Variants in SRCAP observed in about 807,000 individuals in gnomAD.
SRCAP encodes the protein chromatin remodeling protein SRCAP.
SRCAP carries 46 observed loss-of-function variants against 263.1 expected under a neutral mutation model. That is an observed-to-expected ratio of 0.17 (90% confidence interval 0.14 to 0.22). The LOEUF (loss-of-function observed/expected upper bound fraction) is 0.22, where lower values mean the gene tolerates loss of function less well. Among genes scored for constraint, SRCAP ranks in the 10% least tolerant of loss-of-function variants. SRCAP has a pLI of 1.00. For missense variants in SRCAP, 3,695 were observed against 4,181.9 expected, an observed-to-expected ratio of 0.88 and a Z score of 3.21; for synonymous variants, 1,813 against 1,662.1, an observed-to-expected ratio of 1.09 and a Z score of -2.21.
At chr16:30,736,963 C>G (rs537459253) in intron 33 of SRCAP, 86 bp from the exon 34 acceptor site, 2 of 1,435,374 alleles carry the variant, frequency 1.4e-6, no homozygotes, top group East Asian at 2.3e-5. Context: ...CGTGAGCCAC[C>G]GCGCCTGACC....
Position 30,737,297 on chromosome 16 carries a change from A to G in SRCAP, c.7257A>G (p.Gln2419=). 1 of 1,613,974 alleles carries G rather than the reference A, an allele frequency of 6.2e-7. No homozygotes were observed. The highest frequency in any genetic ancestry group is 8.5e-7 in the Non-Finnish European group (1 of 1,179,990). Residue 2419 remains glutamine, a synonymous_variant, in exon 34 of 34, where the codon CAA becomes CAG. Transcript: ENST00000262518. ...ANHTPVISAH[Q]TRSTTTPPRC... ...ACACTCCTGTCATATCCGCCCATCA[A>G]ACTCGCAGCACCACCACACCACCCC...
intron 16 of SRCAP, among the ~76,000 whole-genome samples, chr16:30,715,662 T>G (rs1298664975): frequency 6.6e-6 from 1 of 152,226 alleles, no homozygotes; most frequent in East Asian, 1.9e-4. Context: ...CTGTAGACAT[T>G]GATGACTGTG....
Position 30,722,197 on chromosome 16 carries a change from C to T in SRCAP, c.3617C>T (p.Pro1206Leu). ...RPVANAGGSK[P>L]LTFQIQGNKL... ...GTGGCTAATGCAGGGGGAAGCAAACCTCTCACCTTCCAAATCCAGGGCAAC... is the reference window on the plus strand; with the variant it reads ...GTGGCTAATGCAGGGGGAAGCAAACTTCTCACCTTCCAAATCCAGGGCAAC... Residue 1206 changes from proline (P) to leucine (L), a missense_variant, in exon 22 of 34, where the codon CCT (proline) becomes CTT (leucine). This residue lies in a region of SRCAP where 1,347 missense variants were observed against 1,304.4 expected (regional missense o/e 1.03). Coordinates refer to ENST00000262518, the MANE Select transcript of SRCAP (RefSeq NM_006662.3). 1 of 1,614,170 alleles carries T rather than the reference C, an allele frequency of 6.2e-7. No homozygotes were observed. The highest frequency in any genetic ancestry group is 8.5e-7 in the Non-Finnish European group (1 of 1,180,026).
At chr16:30,717,185 T>C (rs547612457) in intron 18 of SRCAP, among the ~76,000 whole-genome samples, 2 of 152,296 alleles carry the variant, frequency 1.3e-5, no homozygotes, top group East Asian at 3.9e-4. Context: ...TTGGTTTGCA[T>C]TTCCTTATTT....
chr16:30,700,797 A>G lies in SRCAP; in HGVS notation c.-28A>G. Reference sequence around the variant, plus strand: ...ATAACAACCCAGTCATTCTTCAGGCATCCAAGGGGGAGCCTGGGAGTGGGA... The same window carrying G: ...ATAACAACCCAGTCATTCTTCAGGCGTCCAAGGGGGAGCCTGGGAGTGGGA... On this transcript the variant is annotated 5_prime_UTR_variant, in exon 3 of 34. Transcript: ENST00000262518. 1 of 1,610,734 alleles carries G rather than the reference A, an allele frequency of 6.2e-7. No homozygotes were observed.
At chr16:30,725,247 C>T (rs1174360783) in intron 25 of SRCAP, 165 bp downstream of exon 25, 21 of 1,356,762 alleles carry the variant, frequency 1.5e-5, no homozygotes, top group Admixed American at 6.1e-5. Flanking sequence ...CTTCCCTGGG[C>T]GTGTACCTCA....
At chr16:30,707,070 G>T (rs1459262975) in intron 4 of SRCAP, 113 bp from the exon 5 acceptor site, 8 of 1,032,772 alleles carry the variant, frequency 7.7e-6, no homozygotes, top group Non-Finnish European at 1.1e-5. Context: ...TTGGTATGTG[G>T]ACTAAACATA....
At chr16:30,730,268 C>T (rs1346384418) in intron 27 of SRCAP, among the ~76,000 whole-genome samples, 1 of 152,034 alleles carries the variant, frequency 6.6e-6, no homozygotes, top group Non-Finnish European at 1.5e-5. Context: ...AAATTTTGGT[C>T]TTGGAAAAGA....
At chr16:30,713,833 C>T in intron 16 of SRCAP, 122 bp downstream of exon 16, 1 of 850,366 alleles carries the variant, frequency 1.2e-6, no homozygotes, top group Non-Finnish European at 1.8e-6. Flanking sequence ...ACTCCTTTGT[C>T]AAGCTGCAGT....
At position 30,710,104 on chromosome 16, in the gene SRCAP, A is replaced by G. The variant is rs768219215; in HGVS notation, c.1110A>G (p.Glu370=). The change falls in exon 8 of 34, where the codon GAA becomes GAG. Residue 370 remains glutamate (E), a synonymous_variant. Transcript: ENST00000262518. ...DTRDGPEEGA[E]EEPPQVLEIK... is the part of the protein sequence containing the mutation. ...GAGATGGGCCTGAAGAAGGTGCTGA[A>G]GAAGAGCCCCCTCAGGTGTTGGAGG... 21 of 1,613,884 alleles carry G rather than the reference A, an allele frequency of 1.3e-5. No individual in the cohort carries two copies. Among genetic ancestry groups the G allele is most frequent in the Middle Eastern group, 1.6e-4 (1 of 6,076 alleles).
intron 19 of SRCAP, 90 bp from the exon 20 acceptor site, chr16:30,720,619 ATCTG>A (rs2053001927): frequency 2.9e-6 from 4 of 1,383,858 alleles, no homozygotes; most frequent in East Asian, 2.3e-5. Context: ...TGCTTTTATA[ATCTG>A]TCTCTCTGTT....
Position 30,737,672 on chromosome 16 carries a change from C to G in SRCAP, c.7632C>G (p.Pro2544=). The change falls in exon 34 of 34, where the codon CCC becomes CCG. Residue 2544 remains proline (P), a synonymous_variant. Coordinates refer to ENST00000262518, the MANE Select transcript of SRCAP (RefSeq NM_006662.3). ...VPISASVTNL[P]LGLRPEAELC... ...TCTCTGCCTCAGTCACTAATCTCCC[C>G]TTGGGCTTGAGGCCTGAGGCAGAGC... 1 of 1,614,104 alleles carries G rather than the reference C, an allele frequency of 6.2e-7. No individual in the cohort carries two copies. Among genetic ancestry groups the G allele is most frequent in the Middle Eastern group, 1.6e-4 (1 of 6,062 alleles).
Position 30,737,185 on chromosome 16 carries a change from G to C in SRCAP, c.7145G>C (p.Ser2382Thr), listed in dbSNP as rs570998648. 6.2e-7 allele frequency: 1 copy of C among 1,614,110 alleles called. No individual in the cohort carries two copies. The change falls in exon 34 of 34, where the codon AGT (serine) becomes ACT (threonine). Residue 2382 changes from serine to threonine, a missense_variant. Coordinates refer to ENST00000262518, the MANE Select transcript of SRCAP (RefSeq NM_006662.3). ...ACTGGTGGAGGCACCCACCGGCGCAGTAAAAAGGCCAAAGCCCCTGAGAGG... is the reference window on the plus strand; with the variant it reads ...ACTGGTGGAGGCACCCACCGGCGCACTAAAAAGGCCAAAGCCCCTGAGAGG... ...CGTGGGTHRR[S>T]KKAKAPERPG...
Position 30,734,218 on chromosome 16 carries a change from C to T in SRCAP, c.6609+210C>T, listed in dbSNP as rs1268137207. 4.7e-5 allele frequency: 29 copies of T among 622,808 alleles called. No homozygotes were observed. The East Asian group carries it at 8.4e-4, about 18-fold the overall frequency. The allele number at this position is 622,808 out of a possible 1,614,324, so 38.6% of individuals were successfully genotyped here. A position where few individuals can be genotyped will look rare whatever the true frequency, so the allele number is the denominator to read the frequency against. ...ATTAGCCGGGCATGGTGGTGGGCGC[C>T]TGTAATCCCAGCTGCTTGGAAGGCT... On this transcript the variant is annotated intron_variant, in intron 30 of 33. Coordinates refer to ENST00000262518, the MANE Select transcript of SRCAP (RefSeq NM_006662.3).
chr16:30,703,163 A>ATG (rs994063255), intron 3 of SRCAP, among the ~76,000 whole-genome samples: 1 of 151,104 alleles, frequency 6.6e-6, no homozygotes, highest in African/African-American at 2.4e-5. Flanking sequence ...ATATATATAT[A>ATG]TATATGTATG....
At chr16:30,734,354 A>G in intron 30 of SRCAP, 142 bp from the exon 31 acceptor site, 1 of 1,301,482 alleles carries the variant, frequency 7.7e-7, no homozygotes, top group Non-Finnish European at 1.1e-6. Flanking sequence ...AAGAAAAAAC[A>G]AAAAGGACTG....
At chr16:30,710,722 G>A (rs2052880178) in intron 8 of SRCAP, 32 bp from the exon 9 acceptor site, 2 of 1,610,080 alleles carry the variant, frequency 1.2e-6, no homozygotes, top group Non-Finnish European at 1.7e-6. Context: ...TGTAACCTTA[G>A]ACCCTTCCCT....
Position 30,699,705 on chromosome 16 carries a change from T to A in SRCAP, c.-283-203T>A, listed in dbSNP as rs142284259. Among the ~76,000 whole-genome samples, 185 of 152,262 alleles carry A rather than the reference T, an allele frequency of 1.2e-3. No homozygotes were observed. The East Asian group carries it at 0.028, about 23-fold the overall frequency. Reference sequence around the variant, plus strand: ...CTTTACACTTAAAATTTTTGAACTTTCTTTCTTCACTCCTTTCCTGCTCCT... The same window carrying A: ...CTTTACACTTAAAATTTTTGAACTTACTTTCTTCACTCCTTTCCTGCTCCT... On this transcript the variant is annotated intron_variant, in intron 1 of 33. Transcript: ENST00000262518.
chr16:30,706,728 C>T (rs997914704), intron 4 of SRCAP, among the ~76,000 whole-genome samples: 4 of 152,150 alleles, frequency 2.6e-5, no homozygotes, highest in African/African-American at 9.7e-5. Context: ...TGAAAATACT[C>T]TGAGTAAGTA....
Sources: allele counts gnomAD v4.1 joint callset (sites outside exome capture counted in the v4.1 genomes callset), GRCh38; gene constraint gnomAD v4.1.1; regional missense constraint gnomAD v4.1.1; transcripts MANE v1.5; gene names NCBI Gene and HGNC (gene_info 2026-07-23, HGNC 2026-07-21).